Variants in BABAM2 observed in about 807,000 individuals in gnomAD.
BABAM2 encodes BRISC and BRCA1-A complex member 2.
A neutral mutation model predicts 54.7 loss-of-function variants in BABAM2; 31 were observed. The observed-to-expected ratio is 0.57, with a 90% CI of 0.43 to 0.77. BABAM2 has a LOEUF of 0.77. Among genes scored for constraint, BABAM2 ranks in the 30% least tolerant of loss-of-function variants. BABAM2 has a pLI of 0.00. For synonymous variants in BABAM2, 167 were observed against 162.9 expected, an observed-to-expected ratio of 1.03 and a Z score of -0.19; for missense variants, 364 against 455.8, an observed-to-expected ratio of 0.80 and a Z score of 1.83.
At chr2:28,161,966 C>G (rs898000413) in intron 7 of BABAM2, among the ~76,000 whole-genome samples, 11 of 152,100 alleles carry the variant, frequency 7.2e-5, no homozygotes, top group Non-Finnish European at 1.2e-4. Context: ...AAACATGATT[C>G]ACTATATTAT....
chr2:28,200,993 A>T (rs776320135), intron 7 of BABAM2, among the ~76,000 whole-genome samples: 2 of 151,884 alleles, frequency 1.3e-5, no homozygotes, highest in African/African-American at 2.4e-5. Context: ...CTGGTCTCAA[A>T]CTCCTGACCT....
At chr2:28,068,985 T>C (rs1663876293) in intron 6 of BABAM2, among the ~76,000 whole-genome samples, 1 of 152,196 alleles carries the variant, frequency 6.6e-6, no homozygotes, top group Non-Finnish European at 1.5e-5. Context: ...CTTAATTACA[T>C]TTTCACTTTT....
chr2:28,162,356 A>G (rs1190881483), intron 7 of BABAM2, among the ~76,000 whole-genome samples: 1 of 152,222 alleles, frequency 6.6e-6, no homozygotes, highest in East Asian at 1.9e-4. Context: ...AAAGTCAGAC[A>G]GACCTGGATG....
At chr2:28,044,663 C>T (rs1395929449) in intron 5 of BABAM2, among the ~76,000 whole-genome samples, 3 of 152,154 alleles carry the variant, frequency 2.0e-5, no homozygotes, top group Non-Finnish European at 4.4e-5. Flanking sequence ...TATTTGTAAA[C>T]GCTTGCTATG....
intron 4 of BABAM2, among the ~76,000 whole-genome samples, chr2:28,022,108 T>G (rs886629344): frequency 1.3e-5 from 2 of 152,140 alleles, no homozygotes; most frequent in African/African-American, 4.8e-5. Context: ...GCTATTGATA[T>G]GGGAGCACAT....
chr2:28,109,169 C>T (rs1667775268), intron 6 of BABAM2, among the ~76,000 whole-genome samples: 1 of 147,424 alleles, frequency 6.8e-6, no homozygotes, highest in Non-Finnish European at 1.5e-5. Flanking sequence ...CTTTGCTGCT[C>T]TAAAGACACA....
intron 3 of BABAM2, among the ~76,000 whole-genome samples, chr2:27,940,705 A>G (rs1668810216): frequency 6.6e-6 from 1 of 152,206 alleles, no homozygotes; most frequent in East Asian, 1.9e-4. Flanking sequence ...TTATTATAAG[A>G]AACCCACTGG....
intron 6 of BABAM2, among the ~76,000 whole-genome samples, chr2:28,071,300 A>C (rs1464987011): frequency 6.6e-6 from 1 of 151,526 alleles, no homozygotes; most frequent in Admixed American, 6.6e-5. Flanking sequence ...TCGTTTTGTT[A>C]TTATTGTTGT....
upstream of BABAM2, among the ~76,000 whole-genome samples, chr2:27,889,727 G>A (rs567020679): frequency 6.6e-6 from 1 of 152,282 alleles, no homozygotes; most frequent in African/African-American, 2.4e-5. Flanking sequence ...CAGTAATGCC[G>A]ACAATCAACA....
intron 6 of BABAM2, among the ~76,000 whole-genome samples, chr2:28,062,966 T>C (rs1365731438): frequency 6.6e-6 from 1 of 152,230 alleles, no homozygotes; most frequent in East Asian, 1.9e-4. Flanking sequence ...TGTTGTTTTG[T>C]CTGCCTAGCA....
Position 28,228,057 on chromosome 2 carries a change from A to G in BABAM2, c.681-9145A>G, listed in dbSNP as rs185618524. ...TTTCTTTCTTCTCTCTACAATGAGT[A>G]TGTTGACACTTGCTACCTGTTTTGT... On this transcript the variant is annotated intron_variant, in intron 7 of 11. Transcript: ENST00000379624. 2.0e-5 allele frequency among the ~76,000 whole-genome samples: 3 copies of G among 152,348 alleles called. No individual in the cohort carries two copies. The East Asian group carries it at 5.8e-4, about 29-fold the overall frequency.
In BABAM2 at chr2:27,978,155, T is replaced by C. The variant is rs1404488604; in HGVS notation, c.206-9838T>C. ...GTCATGGGGGTGGATCCCTCATGAA[T>C]GGTGTGGTGCTGTCCTTGTGATAAT... On this transcript the variant is annotated intron_variant, in intron 3 of 11. Coordinates refer to ENST00000379624, the MANE Select transcript of BABAM2 (RefSeq NM_199191.3). Among the ~76,000 whole-genome samples the C allele has an allele frequency of 3.9e-5, 6 of 152,120 alleles. No individual in the cohort carries two copies. In the South Asian group the frequency reaches 1.2e-3, roughly 32 times the overall value.
At chr2:27,967,333 A>G (rs1399844533) in intron 3 of BABAM2, among the ~76,000 whole-genome samples, 4 of 152,018 alleles carry the variant, frequency 2.6e-5, no homozygotes, top group East Asian at 1.9e-4. Flanking sequence ...ATAAGGGGGA[A>G]TTTCCCTGCA....
rs111542347 is a variant in BABAM2 at position 28,304,751 on chromosome 2, A to AT, written c.1088+6270dup. Among the ~76,000 whole-genome samples the AT allele has an allele frequency of 0.019, 2,807 of 147,696 alleles. 70 individuals carry two copies. The highest frequency in any genetic ancestry group is 0.064 in the African/African-American group (2,571 of 40,350). On this transcript the variant is annotated intron_variant, in intron 11 of 11. Transcript: ENST00000379624. This position sits in a 1 kb window ranked among gnomAD's most constrained non-coding sequence, Gnocchi z 4.0. ...CTGCCACGCCAGGCTAATTTTTTGTATTTTTTTTTTAGTAGAGACGGAGTT... is the reference window on the plus strand; with the variant it reads ...CTGCCACGCCAGGCTAATTTTTTGTATTTTTTTTTTTAGTAGAGACGGAGTT...
At chr2:28,200,311 A>T (rs993146331) in intron 7 of BABAM2, among the ~76,000 whole-genome samples, 11 of 152,208 alleles carry the variant, frequency 7.2e-5, no homozygotes, top group African/African-American at 2.7e-4. Flanking sequence ...GTGTCTCTCC[A>T]TACATGTTTG....
chr2:28,207,829 G>T (rs900626776), intron 7 of BABAM2, among the ~76,000 whole-genome samples: 2 of 152,038 alleles, frequency 1.3e-5, no homozygotes, highest in Non-Finnish European at 2.9e-5. Context: ...TAAAATACAG[G>T]TATGTCTAGT....
intron 3 of BABAM2, among the ~76,000 whole-genome samples, chr2:27,981,502 G>A (rs553009209): frequency 4.6e-5 from 7 of 152,108 alleles, no homozygotes; most frequent in South Asian, 2.1e-4. Flanking sequence ...GTTAGCAGTC[G>A]CTTCCCATTC....
intron 11 of BABAM2, among the ~76,000 whole-genome samples, chr2:28,312,442 C>G (rs1689166468): frequency 1.3e-5 from 2 of 152,172 alleles, no homozygotes; most frequent in African/African-American, 4.8e-5. Flanking sequence ...AGCCCCAACT[C>G]AAAGCCTACT....
intron 6 of BABAM2, among the ~76,000 whole-genome samples, chr2:28,087,234 G>A (rs1270446716): frequency 6.6e-6 from 1 of 152,174 alleles, no homozygotes; most frequent in Non-Finnish European, 1.5e-5. Context: ...TGGAGGCCAA[G>A]GAATGAATTT....
Sources: allele counts gnomAD v4.1 joint callset (sites outside exome capture counted in the v4.1 genomes callset), GRCh38; gene constraint gnomAD v4.1.1; non-coding constraint Gnocchi (gnomAD v3.1); transcripts MANE v1.5; gene names NCBI Gene and HGNC (gene_info 2026-07-23, HGNC 2026-07-21).